Variants in CDH13 observed in about 807,000 individuals in gnomAD.
CDH13 encodes the protein cadherin 13, also known as cadherin-13.
Under a neutral mutation model 63.8 loss-of-function variants are expected in CDH13, and 24 were observed. The observed-to-expected ratio is 0.38, with a 90% CI of 0.27 to 0.53. The LOEUF is 0.53. Ranked by LOEUF, CDH13 falls within the 20% of genes least tolerant of loss-of-function variation. The probability of loss-of-function intolerance (pLI) is 0.85; values close to 1 mark genes in which losing one functional copy is unlikely to be tolerated. For missense variants in CDH13, 1,049 were observed against 903.1 expected, an observed-to-expected ratio of 1.16 and a Z score of -2.07; for synonymous variants, 503 against 355.3, an observed-to-expected ratio of 1.42 and a Z score of -4.67.
intron 3 of CDH13, among the ~76,000 whole-genome samples, chr16:83,073,352 T>TGAGAGAGAGAGA (rs1185746074): frequency 6.4e-5 from 8 of 125,146 alleles, no homozygotes; most frequent in African/African-American, 1.6e-4. Flanking sequence ...TGTGTGTGTG[T>TGAGAGAGAGAGA]GTGAGAGAGA....
At chr16:83,401,067 G>A (rs921825237) in intron 6 of CDH13, among the ~76,000 whole-genome samples, 2 of 152,106 alleles carry the variant, frequency 1.3e-5, no homozygotes, top group Admixed American at 6.6e-5. Flanking sequence ...TTGGCCAAAT[G>A]CAGTGGCTCA....
chr16:83,725,770 C>T (rs142066692), intron 10 of CDH13: 6 of 152,286 alleles, frequency 3.9e-5, no homozygotes, highest in East Asian at 3.9e-4. Context: ...ATTTATAACC[C>T]GTCATCTGCA....
chr16:83,685,609 A>AT (rs1904300189), intron 10 of CDH13, among the ~76,000 whole-genome samples: 1 of 152,188 alleles, frequency 6.6e-6, no homozygotes, highest in African/African-American at 2.4e-5. Context: ...TAAGAGCAAG[A>AT]ACTTTTGCTG....
At chr16:83,247,085 C>G (rs1293071064) in intron 5 of CDH13, among the ~76,000 whole-genome samples, 3 of 152,182 alleles carry the variant, frequency 2.0e-5, no homozygotes, top group Admixed American at 2.0e-4. Flanking sequence ...GTACCTACCT[C>G]TAAACAGGAG....
At chr16:82,802,497 T>C (rs1181493074) in intron 1 of CDH13, among the ~76,000 whole-genome samples, 2 of 152,178 alleles carry the variant, frequency 1.3e-5, no homozygotes, top group Non-Finnish European at 2.9e-5. Flanking sequence ...GGTGGTGCTC[T>C]ATCAGGGACA....
At chr16:83,487,514 T>G (rs537347730) in intron 7 of CDH13, among the ~76,000 whole-genome samples, 53 of 152,268 alleles carry the variant, frequency 3.5e-4, no homozygotes, top group Middle Eastern at 3.4e-3. Context: ...TCCTGCCCTT[T>G]CCTGAGTTTG....
At chr16:83,463,539 G>C (rs1255128617) in intron 6 of CDH13, among the ~76,000 whole-genome samples, 1 of 152,186 alleles carries the variant, frequency 6.6e-6, no homozygotes, top group Non-Finnish European at 1.5e-5. Context: ...AATGGCTCCT[G>C]CTTGTAATCC....
In CDH13 at chr16:83,464,388, T is replaced by G. The variant is rs537671412; in HGVS notation, c.782-22089T>G. On this transcript the variant is annotated intron_variant, in intron 6 of 13. Transcript: ENST00000567109. ...TGAGCCGGGCGTGATGGCACATCCC[T>G]GTAATCCCAGCTACTAAGGAGGCTG... Among the ~76,000 whole-genome samples, 211 of 152,222 alleles carry G rather than the reference T, an allele frequency of 1.4e-3. 4 individuals are homozygous for G. In the South Asian group the frequency reaches 0.041, roughly 29 times the overall value.
At chr16:82,836,209 C>T (rs1043567849) in intron 1 of CDH13, among the ~76,000 whole-genome samples, 8 of 152,114 alleles carry the variant, frequency 5.3e-5, no homozygotes, top group Non-Finnish European at 1.0e-4. Context: ...AGTGCAGTGG[C>T]GCGATCTCGG....
chr16:83,008,745 T>G (rs1567739516), intron 2 of CDH13, among the ~76,000 whole-genome samples: 1 of 152,180 alleles, frequency 6.6e-6, no homozygotes, highest in South Asian at 2.1e-4. Flanking sequence ...GGCCTTCCTC[T>G]CTTTCTCCCT....
At chr16:83,284,189 C>T (rs1278189537) in intron 5 of CDH13, among the ~76,000 whole-genome samples, 7 of 152,104 alleles carry the variant, frequency 4.6e-5, no homozygotes, top group Non-Finnish European at 8.8e-5. Flanking sequence ...AAGTGTTGGA[C>T]TTTGGTAAAC....
intron 2 of CDH13, among the ~76,000 whole-genome samples, chr16:82,879,902 T>A (rs937985371): frequency 2.1e-5 from 3 of 142,998 alleles, no homozygotes; most frequent in Admixed American, 1.5e-4. Context: ...TATAGAAATA[T>A]ATATTATATA....
Position 83,413,224 on chromosome 16 carries a change from C to T in CDH13, c.781+68218C>T, listed in dbSNP as rs953263953. Among the ~76,000 whole-genome samples the T allele has an allele frequency of 2.6e-5, 4 of 152,148 alleles. No homozygotes were observed. The East Asian group carries it at 5.8e-4, about 22-fold the overall frequency. On this transcript the variant is annotated intron_variant, in intron 6 of 13. Coordinates refer to ENST00000567109, the MANE Select transcript of CDH13 (RefSeq NM_001257.5). The stretch of plus-strand genomic sequence containing the variant: ...TTTTGTCTAAAATTATTGTAGAACC[C>T]ATTAAATTTTGTAATGCACATTCTC...
chr16:82,973,997 G>C (rs1909146706), intron 2 of CDH13, among the ~76,000 whole-genome samples: 1 of 152,086 alleles, frequency 6.6e-6, no homozygotes, highest in East Asian at 1.9e-4. Flanking sequence ...ATAGCTCACT[G>C]CAACCTCTGC....
intron 6 of CDH13, among the ~76,000 whole-genome samples, chr16:83,382,533 A>G (rs1289013066): frequency 6.6e-6 from 1 of 152,036 alleles, no homozygotes; most frequent in African/African-American, 2.4e-5. Flanking sequence ...GCTCCATCAT[A>G]TCTGCCTCCC....
intron 1 of CDH13, among the ~76,000 whole-genome samples, chr16:82,733,397 C>A (rs534264579): frequency 9.2e-4 from 140 of 152,136 alleles, no homozygotes; most frequent in Middle Eastern, 3.4e-3. Flanking sequence ...TGATCTATTG[C>A]GTGTATATGT....
intron 8 of CDH13, among the ~76,000 whole-genome samples, chr16:83,607,761 CAACT>C (rs1187855429): frequency 6.6e-6 from 1 of 152,140 alleles, no homozygotes; most frequent in East Asian, 1.9e-4. Context: ...CGTATGACTT[CAACT>C]AACTGTTAGT....
chr16:83,390,831 G>T (rs1889415755), intron 6 of CDH13, among the ~76,000 whole-genome samples: 1 of 152,140 alleles, frequency 6.6e-6, no homozygotes, highest in African/African-American at 2.4e-5. Flanking sequence ...GGAGAAGGAA[G>T]AGCCTCAACT....
At chr16:83,247,534 T>C (rs1905094329) in intron 5 of CDH13, among the ~76,000 whole-genome samples, 1 of 152,066 alleles carries the variant, frequency 6.6e-6, no homozygotes, top group Non-Finnish European at 1.5e-5. Context: ...AACATGCATG[T>C]GATTCAGAAT....
Sources: gnomAD v4.1 joint callset for allele counts (sites outside exome capture counted in the v4.1 genomes callset) on GRCh38, gnomAD v4.1.1 for gene constraint, MANE v1.5 for transcripts, NCBI Gene and HGNC (gene_info 2026-07-23, HGNC 2026-07-21) for gene names.